The following NKAIN2 variants were observed in gnomAD, a reference collection of about 807,000 sequenced individuals.
The protein encoded by NKAIN2 is sodium/potassium-transporting ATPase subunit beta-1-interacting protein 2.
NKAIN2 carries 14 observed loss-of-function variants against 32.6 expected under a neutral mutation model. That is an observed-to-expected ratio of 0.43 (90% CI 0.28 to 0.67). NKAIN2 has a LOEUF of 0.67. Ranked by LOEUF, NKAIN2 falls within the 30% of genes least tolerant of loss-of-function variation. The probability of loss-of-function intolerance (pLI) is 0.17; values close to 1 mark genes in which losing one functional copy is unlikely to be tolerated. For missense variants in NKAIN2, 198 were observed against 258.3 expected, an observed-to-expected ratio of 0.77 and a Z score of 1.60; for synonymous variants, 80 against 87.2, an observed-to-expected ratio of 0.92 and a Z score of 0.46.
chr6:124,414,532 T>C (rs1488365498), intron 3 of NKAIN2, among the ~76,000 whole-genome samples: 1 of 152,192 alleles, frequency 6.6e-6, no homozygotes, highest in African/African-American at 2.4e-5. Flanking sequence ...AATTGGGAGA[T>C]AGTCCTTCCA....
chr6:124,405,040 G>A lies in NKAIN2; in HGVS notation c.273+49693G>A, dbSNP rs191990114. ...AATCTTTGCTGAGTGAATGAATGCC[G>A]TGTACAAACTATTTGCTTCTATAGT... On this transcript the variant is annotated intron_variant, in intron 3 of 6. Transcript: ENST00000368417. 3.2e-3 allele frequency among the ~76,000 whole-genome samples: 489 copies of A among 152,270 alleles called. 2 individuals carry two copies. The highest frequency in any genetic ancestry group is 5.3e-3 in the Non-Finnish European group (360 of 67,998).
chr6:124,689,976 T>G (rs910131167), intron 4 of NKAIN2, among the ~76,000 whole-genome samples: 52 of 152,164 alleles, frequency 3.4e-4, no homozygotes, highest in African/African-American at 1.3e-3. Context: ...ATCTGTTTGT[T>G]GACATTCACA....
intron 1 of NKAIN2, among the ~76,000 whole-genome samples, chr6:123,944,740 T>A (rs1452535357): frequency 6.6e-6 from 1 of 151,932 alleles, no homozygotes; most frequent in South Asian, 2.1e-4. Flanking sequence ...AGAAAAAGGA[T>A]GCAGCAATGA....
At chr6:124,020,117 C>T (rs1780799081) in intron 1 of NKAIN2, among the ~76,000 whole-genome samples, 1 of 152,058 alleles carries the variant, frequency 6.6e-6, no homozygotes, top group Admixed American at 6.6e-5. Context: ...GAGAAGGCAG[C>T]TGGAAGCAGA....
intron 4 of NKAIN2, among the ~76,000 whole-genome samples, chr6:124,716,211 C>T (rs1775745333): frequency 6.6e-6 from 1 of 152,224 alleles, no homozygotes; most frequent in African/African-American, 2.4e-5. Flanking sequence ...AGATAATAGA[C>T]ATTCCTCTCA....
chr6:124,660,538 G>C (rs1784709780), intron 4 of NKAIN2, among the ~76,000 whole-genome samples: 1 of 152,210 alleles, frequency 6.6e-6, no homozygotes, highest in African/African-American at 2.4e-5. Flanking sequence ...GCTAAGAACA[G>C]ATGTGACCAA....
intron 1 of NKAIN2, among the ~76,000 whole-genome samples, chr6:123,959,121 T>G (rs1777728540): frequency 1.3e-5 from 2 of 152,154 alleles, no homozygotes; most frequent in Non-Finnish European, 2.9e-5. Flanking sequence ...GTGGTAGGTC[T>G]GTGGGTCTAG....
intron 3 of NKAIN2, among the ~76,000 whole-genome samples, chr6:124,607,296 T>A (rs1782537125): frequency 6.6e-6 from 1 of 152,134 alleles, no homozygotes; most frequent in Non-Finnish European, 1.5e-5. Flanking sequence ...AGCAATAAAC[T>A]CTTCATGGAT....
intron 1 of NKAIN2, among the ~76,000 whole-genome samples, chr6:124,074,637 T>A (rs1029775656): frequency 1.3e-5 from 2 of 152,202 alleles, no homozygotes; most frequent in African/African-American, 4.8e-5. Context: ...ACTGACACAC[T>A]TTCAATACCT....
chr6:124,325,428 A>G (rs1430835165), intron 2 of NKAIN2, among the ~76,000 whole-genome samples: 1 of 152,136 alleles, frequency 6.6e-6, no homozygotes, highest in African/African-American at 2.4e-5. Flanking sequence ...ACATGTCCAC[A>G]GAAAGTCTTA....
At chr6:124,676,908 T>C (rs1583627582) in intron 4 of NKAIN2, among the ~76,000 whole-genome samples, 1 of 152,170 alleles carries the variant, frequency 6.6e-6, no homozygotes, top group East Asian at 1.9e-4. Flanking sequence ...AAAATAAGTC[T>C]CTTGTTATCT....
chr6:124,581,462 A>G (rs912713426), intron 3 of NKAIN2, among the ~76,000 whole-genome samples: 2 of 150,952 alleles, frequency 1.3e-5, no homozygotes, highest in African/African-American at 4.9e-5. Flanking sequence ...AAAAAAAAAA[A>G]AAAAAAAAGA....
intron 2 of NKAIN2, among the ~76,000 whole-genome samples, chr6:124,312,588 C>T (rs914688442): frequency 6.6e-6 from 1 of 152,158 alleles, no homozygotes. Context: ...CACAGAGCTT[C>T]GGTGCCCTCG....
intron 6 of NKAIN2, 63 bp from the exon 7 acceptor site, chr6:124,823,157 G>A (rs1781458865): frequency 1.3e-5 from 15 of 1,137,634 alleles, no homozygotes; most frequent in Non-Finnish European, 1.9e-5. Flanking sequence ...GTGAGAAAAG[G>A]TGGTGAGCAG....
At chr6:123,968,065 G>A (rs75515878) in intron 1 of NKAIN2, among the ~76,000 whole-genome samples, 1,976 of 152,288 alleles carry the variant, frequency 0.013, 47 homozygotes, top group African/African-American at 0.045. Context: ...AGCAGGTGGA[G>A]CAGGCAGCTG....
chr6:124,541,442 G>A (rs1396927314), intron 3 of NKAIN2, among the ~76,000 whole-genome samples: 2 of 152,108 alleles, frequency 1.3e-5, no homozygotes, highest in African/African-American at 4.8e-5. Context: ...TTAGTCCATT[G>A]TATGGAACAT....
chr6:124,373,408 G>C (rs1209592725), intron 3 of NKAIN2, among the ~76,000 whole-genome samples: 1 of 152,088 alleles, frequency 6.6e-6, no homozygotes, highest in Non-Finnish European at 1.5e-5. Context: ...TTGCCCATTA[G>C]ACATCTCAAG....
At chr6:124,343,991 C>T (rs943198470) in intron 2 of NKAIN2, among the ~76,000 whole-genome samples, 2 of 151,892 alleles carry the variant, frequency 1.3e-5, no homozygotes, top group African/African-American at 4.8e-5. Flanking sequence ...TTTAATCCAT[C>T]TTAAATTAAT....
intron 1 of NKAIN2, among the ~76,000 whole-genome samples, chr6:123,810,289 A>T (rs1773404111): frequency 6.6e-6 from 1 of 152,140 alleles, no homozygotes; most frequent in African/African-American, 2.4e-5. Flanking sequence ...CTTCCATGTA[A>T]AATAAAACTA....
Sources: gnomAD v4.1 joint callset for allele counts (sites outside exome capture counted in the v4.1 genomes callset) on GRCh38, gnomAD v4.1.1 for gene constraint, MANE v1.5 for transcripts, NCBI Gene and HGNC (gene_info 2026-07-23, HGNC 2026-07-21) for gene names.